TRPM6: variants seen among roughly 807,000 people sequenced by gnomAD.
The protein encoded by TRPM6 is channel kinase 2.
Under a neutral mutation model 247.6 loss-of-function variants are expected in TRPM6, and 111 were observed. The observed-to-expected ratio is 0.45, with a 90% CI of 0.38 to 0.52. The LOEUF (loss-of-function observed/expected upper bound fraction) is 0.52. Ranked by LOEUF, TRPM6 falls within the 20% of genes least tolerant of loss-of-function variation. TRPM6 has a pLI of 0.00. For synonymous variants in TRPM6, 892 were observed against 853.8 expected, an observed-to-expected ratio of 1.04 and a Z score of -0.78; for missense variants, 2,126 against 2,421.5, an observed-to-expected ratio of 0.88 and a Z score of 2.56.
intron 3 of TRPM6, among the ~76,000 whole-genome samples, chr9:74,852,518 C>G (rs554930940): frequency 9.2e-5 from 14 of 152,152 alleles, no homozygotes; most frequent in Admixed American, 7.9e-4. Context: ...CTCCCCCTCT[C>G]TCCACGGTCT....
intron 37 of TRPM6, among the ~76,000 whole-genome samples, chr9:74,729,763 A>G (rs1385090816): frequency 6.6e-6 from 1 of 152,226 alleles, no homozygotes. Context: ...TGTTTATTTT[A>G]GTCGTTTAAA....
In TRPM6 at chr9:74,802,070, C is replaced by T. The variant is rs1321348123; in HGVS notation, c.1837G>A (p.Val613Ile). Residue 613 changes from valine (V) to isoleucine (I), a missense_variant, in exon 16 of 39, where the codon GTT (valine) becomes ATT (isoleucine). This residue lies in a region of TRPM6 where 1,082 missense variants were observed against 1,307.9 expected (regional missense o/e 0.83). Coordinates refer to ENST00000360774, the MANE Select transcript of TRPM6 (RefSeq NM_017662.5). The part of the protein sequence containing the change: ...GFLYPYNDLL[V>I]WAVLMKRQKM... ...TGCCTTTTCATCAGCACAGCCCAAA[C>T]CAGCAGGTCATTGTAAGGGTAAAGA... 1 of 1,614,162 alleles carries T rather than the reference C, an allele frequency of 6.2e-7. No homozygotes were observed. Among genetic ancestry groups the T allele is most frequent in the East Asian group, 2.2e-5 (1 of 44,878 alleles).
chr9:74,756,395 A>C (rs1820924881), intron 27 of TRPM6, among the ~76,000 whole-genome samples: 1 of 152,190 alleles, frequency 6.6e-6, no homozygotes, highest in African/African-American at 2.4e-5. Flanking sequence ...AAGATCATGA[A>C]AGGTGAATTC....
chr9:74,834,601 CT>C (rs539578162), intron 5 of TRPM6, among the ~76,000 whole-genome samples: 273 of 151,480 alleles, frequency 1.8e-3, no homozygotes, highest in African/African-American at 6.3e-3. Flanking sequence ...AATGTTAGCC[CT>C]CCCCCAGCCC....
intron 18 of TRPM6, among the ~76,000 whole-genome samples, chr9:74,796,143 A>C (rs1211533441): frequency 6.6e-6 from 1 of 152,240 alleles, no homozygotes; most frequent in Admixed American, 6.5e-5. Flanking sequence ...AAATTCTAAA[A>C]ACATAGCAGC....
Position 74,752,334 on chromosome 9 carries a change from A to G in TRPM6, c.4941T>C (p.Thr1647=), listed in dbSNP as rs749768244. The part of the protein sequence containing the change: ...VEPYIHQKMK[T]KEIGQCAIQI... Reference sequence around the variant, plus strand: ...GTATAGCACATTGTCCAATTTCTTTAGTTTTCATTTTCTGATGTATGTAAG... The same window carrying G: ...GTATAGCACATTGTCCAATTTCTTTGGTTTTCATTTTCTGATGTATGTAAG... Residue 1647 remains threonine, a synonymous_variant, in exon 29 of 39, where the codon ACT becomes ACC. Coordinates refer to ENST00000360774, the MANE Select transcript of TRPM6 (RefSeq NM_017662.5). 1 of 1,599,558 alleles carries G rather than the reference A, an allele frequency of 6.3e-7. No homozygotes were observed. The highest frequency in any genetic ancestry group is 8.5e-7 in the Non-Finnish European group (1 of 1,170,052).
chr9:74,833,907 T>C, intron 6 of TRPM6, 91 bp downstream of exon 6: 1 of 1,524,642 alleles, frequency 6.6e-7, no homozygotes, highest in Non-Finnish European at 9.1e-7. Context: ...ACATCTGTAA[T>C]GTTCATTCAT....
chr9:74,803,390 T>A (rs1297163482), intron 15 of TRPM6, among the ~76,000 whole-genome samples: 5 of 151,992 alleles, frequency 3.3e-5, no homozygotes, highest in Admixed American at 1.3e-4. Flanking sequence ...AAAAAATTTT[T>A]AAAAAAAGAT....
At chr9:74,786,978 C>T (rs1827701573) in intron 20 of TRPM6, among the ~76,000 whole-genome samples, 1 of 152,112 alleles carries the variant, frequency 6.6e-6, no homozygotes, top group Non-Finnish European at 1.5e-5. Context: ...GCAGGTGGAT[C>T]ACTTGAGGTC....
At chr9:74,810,689 T>C (rs1828698972) in intron 13 of TRPM6, 126 bp downstream of exon 13, 15 of 817,944 alleles carry the variant, frequency 1.8e-5, no homozygotes, top group Middle Eastern at 4.4e-4. Flanking sequence ...CAAATCAAGG[T>C]AAAGAAGATA....
At chr9:74,777,864 G>A (rs142864285) in intron 23 of TRPM6, among the ~76,000 whole-genome samples, 2 of 152,110 alleles carry the variant, frequency 1.3e-5, no homozygotes, top group Non-Finnish European at 2.9e-5. Context: ...CTCTGCAGTC[G>A]TGCATTTAGT....
chr9:74,815,251 T>A (rs1039568452), intron 11 of TRPM6, among the ~76,000 whole-genome samples: 1 of 152,086 alleles, frequency 6.6e-6, no homozygotes, highest in African/African-American at 2.4e-5. Flanking sequence ...AAAGAAAGAT[T>A]TTTTTAACTT....
rs530222118 is a variant in TRPM6 at position 74,727,630 on chromosome 9, A to G, written c.5935+609T>C. On this transcript the variant is annotated intron_variant, in intron 38 of 38. Transcript: ENST00000360774. The stretch of plus-strand genomic sequence containing the variant: ...ATGCTTCCCTTCTGGGACAAAAGAA[A>G]GGAATGAAACAGAGCCAGGACTGCC... 5.3e-5 allele frequency among the ~76,000 whole-genome samples: 8 copies of G among 152,322 alleles called. No individual in the cohort carries two copies. In the South Asian group the frequency reaches 1.7e-3, roughly 32 times the overall value.
chr9:74,742,715 G>T (rs1825903986), intron 32 of TRPM6, 89 bp from the exon 33 acceptor site: 1 of 1,116,918 alleles, frequency 9.0e-7, no homozygotes, highest in African/African-American at 1.5e-5. Context: ...TTCATATAAT[G>T]CTATTTAATT....
In TRPM6 at chr9:74,887,529, C is replaced by A; in HGVS notation, c.33+295G>T. On this transcript the variant is annotated intron_variant, in intron 1 of 38. Coordinates refer to ENST00000360774, the MANE Select transcript of TRPM6 (RefSeq NM_017662.5). ...TTCCCACCGCCCCGAGCTGAACCCCCGACCCCCGCTAGGTTTCCGCTCTGA... is the reference window on the plus strand; with the variant it reads ...TTCCCACCGCCCCGAGCTGAACCCCAGACCCCCGCTAGGTTTCCGCTCTGA... 4 of 1,279,730 alleles carry A rather than the reference C, an allele frequency of 3.1e-6. No individual in the cohort carries two copies. In the South Asian group the frequency reaches 5.1e-5, roughly 16 times the overall value. The allele number at this position is 1,279,730 out of a possible 1,614,324, so 79.3% of individuals were successfully genotyped here.
At chr9:74,832,230 A>T (rs765357991) in intron 6 of TRPM6, among the ~76,000 whole-genome samples, 1 of 152,174 alleles carries the variant, frequency 6.6e-6, no homozygotes, top group Non-Finnish European at 1.5e-5. Context: ...AGAACAAATG[A>T]CCCAGTTTCC....
At chr9:74,786,231 A>T (rs1564013526) in intron 20 of TRPM6, 106 bp from the exon 21 acceptor site, 2 of 1,238,186 alleles carry the variant, frequency 1.6e-6, no homozygotes, top group Non-Finnish European at 2.3e-6. Flanking sequence ...GTAATCTAAA[A>T]CCTGCCAAAC....
At chr9:74,764,888 A>T (rs1241606563) in intron 25 of TRPM6, among the ~76,000 whole-genome samples, 1 of 152,250 alleles carries the variant, frequency 6.6e-6, no homozygotes, top group Non-Finnish European at 1.5e-5. Context: ...TGAACAGATG[A>T]AAGGATACAA....
chr9:74,742,393 C>T (rs1451832923), intron 33 of TRPM6, among the ~76,000 whole-genome samples, 168 bp downstream of exon 33: 1 of 152,160 alleles, frequency 6.6e-6, no homozygotes, highest in Non-Finnish European at 1.5e-5. Context: ...GAATGCTGGC[C>T]ATGACAGTTA....
Sources: allele counts gnomAD v4.1 joint callset (sites outside exome capture counted in the v4.1 genomes callset), GRCh38; gene constraint gnomAD v4.1.1; regional missense constraint gnomAD v4.1.1; transcripts MANE v1.5; gene names NCBI Gene and HGNC (gene_info 2026-07-23, HGNC 2026-07-21).